The following INKA2 variants were observed in gnomAD, a reference collection of about 807,000 sequenced individuals.
INKA2 encodes the protein inka box actin regulator 2.
Under a neutral mutation model 9.8 loss-of-function variants are expected in INKA2, and 3 were observed. That is an observed-to-expected ratio of 0.31 (90% CI 0.14 to 0.79). The LOEUF is 0.79. INKA2 is among the 30% of genes least tolerant of loss of function. The pLI, the probability that INKA2 is intolerant of heterozygous loss-of-function variation, is 0.62. For missense variants in INKA2, 392 were observed against 384.4 expected, an observed-to-expected ratio of 1.02 and a Z score of -0.17; for synonymous variants, 147 against 143.3, an observed-to-expected ratio of 1.03 and a Z score of -0.18.
At chr1:111,750,318 T>G (rs766269712) in intron 1 of INKA2, among the ~76,000 whole-genome samples, 1 of 152,198 alleles carries the variant, frequency 6.6e-6, no homozygotes, top group Non-Finnish European at 1.5e-5. Context: ...AGTCACCCCA[T>G]AAGCCATGAG....
At position 111,724,877 on chromosome 1, in the gene INKA2, A is replaced by G. The variant is rs1001078291; in HGVS notation, c.*2091T>C. 1 of 152,172 alleles carries G rather than the reference A, an allele frequency of 6.6e-6. No homozygotes were observed. The highest frequency in any genetic ancestry group is 2.4e-5 in the African/African-American group (1 of 41,408). The allele number at this position is 152,172 out of a possible 1,614,324, so 9.4% of individuals were successfully genotyped here. Reference sequence around the variant, plus strand: ...TAGCAGCCTAATCGGGGCAGTTTACACGCCCCCTAATAACCTCCATAGATG... The same window carrying G: ...TAGCAGCCTAATCGGGGCAGTTTACGCGCCCCCTAATAACCTCCATAGATG... On this transcript the variant is annotated 3_prime_UTR_variant, in exon 2 of 2. Coordinates refer to ENST00000357260, the MANE Select transcript of INKA2 (RefSeq NM_019099.5).
At chr1:111,733,786 G>A (rs948548171) in intron 1 of INKA2, among the ~76,000 whole-genome samples, 2 of 152,100 alleles carry the variant, frequency 1.3e-5, no homozygotes, top group Non-Finnish European at 2.9e-5. Context: ...CAGCATCCTC[G>A]GCTCCCTTCC....
At chr1:111,755,606 G>A (rs1663523229) in intron 1 of INKA2, 5 of 1,462,216 alleles carry the variant, frequency 3.4e-6, no homozygotes, top group Middle Eastern at 2.3e-4. Context: ...CGGGGGCACG[G>A]CTGGGCGGCT....
At chr1:111,746,363 T>C (rs376297472) in intron 1 of INKA2, 2 of 152,242 alleles carry the variant, frequency 1.3e-5, no homozygotes, top group Non-Finnish European at 2.9e-5. Context: ...GAATAGGAAC[T>C]GAACACGCGA....
chr1:111,749,036 G>A (rs1369956440), intron 1 of INKA2, among the ~76,000 whole-genome samples: 1 of 152,212 alleles, frequency 6.6e-6, no homozygotes, highest in Non-Finnish European at 1.5e-5. Context: ...AGGGTGGAGG[G>A]AATAGAAAAT....
At chr1:111,753,463 G>T (rs1263444153) in intron 1 of INKA2, among the ~76,000 whole-genome samples, 1 of 151,430 alleles carries the variant, frequency 6.6e-6, no homozygotes, top group African/African-American at 2.5e-5. Flanking sequence ...AAAAAAATTT[G>T]TGTTATTCAC....
intron 1 of INKA2, among the ~76,000 whole-genome samples, chr1:111,749,324 T>G (rs1416042335): frequency 6.6e-6 from 1 of 152,104 alleles, no homozygotes; most frequent in African/African-American, 2.4e-5. Context: ...GGCTCTGTTC[T>G]TGGTGTGGAA....
At chr1:111,736,808 C>A (rs141395966) in intron 1 of INKA2, among the ~76,000 whole-genome samples, 481 of 152,346 alleles carry the variant, frequency 3.2e-3, no homozygotes, top group African/African-American at 0.01. Context: ...TCTATCCCAG[C>A]CACAAGCAAG....
Position 111,724,738 on chromosome 1 carries a change from C to T in INKA2, c.*2230G>A, listed in dbSNP as rs995353061. On this transcript the variant is annotated 3_prime_UTR_variant, in exon 2 of 2. Coordinates refer to ENST00000357260, the MANE Select transcript of INKA2 (RefSeq NM_019099.5). ...AAGGATTTGCAGTGGCTGGCTCCAC[C>T]AGAGTGGGCTTGCTCAGTTGGCAAA... 4.6e-5 allele frequency: 7 copies of T among 152,392 alleles called. No individual in the cohort carries two copies. Among genetic ancestry groups the T allele is most frequent in the African/African-American group, 1.7e-4 (7 of 41,550 alleles). The allele number at this position is 152,392 out of a possible 1,614,324, so 9.4% of individuals were successfully genotyped here. A position where few individuals can be genotyped will look rare whatever the true frequency, so the allele number is the denominator to read the frequency against.
At chr1:111,738,560 G>T (rs903439545) in intron 1 of INKA2, among the ~76,000 whole-genome samples, 1 of 152,006 alleles carries the variant, frequency 6.6e-6, no homozygotes, top group South Asian at 2.1e-4. Context: ...GCCCTCCCCC[G>T]CCTTTCCAGC....
intron 1 of INKA2, among the ~76,000 whole-genome samples, chr1:111,738,135 G>C (rs939625912): frequency 6.6e-6 from 1 of 152,162 alleles, no homozygotes; most frequent in Non-Finnish European, 1.5e-5. Context: ...GAGAAGAGTC[G>C]ACTCCAAGAG....
upstream of INKA2, among the ~76,000 whole-genome samples, chr1:111,743,574 C>A (rs1456584249): frequency 6.6e-6 from 1 of 152,190 alleles, no homozygotes; most frequent in African/African-American, 2.4e-5. Flanking sequence ...AATGGAAACA[C>A]CACCATTCTC....
intron 1 of INKA2, among the ~76,000 whole-genome samples, chr1:111,729,941 G>A (rs197436): frequency 0.15 from 22,212 of 152,306 alleles, 1,977 homozygotes; most frequent in African/African-American, 0.25. Context: ...TTGCTGGGGC[G>A]TGGAGATTGC....
rs749204498 is a variant in INKA2, at chr1:111,726,634, G to C, written c.*334C>G. Reference sequence around the variant, plus strand: ...AGTGGAGATGTCAGAGGGATTTTCTGATCTCCTCCTCTGCCCTCACCTACT... The same window carrying C: ...AGTGGAGATGTCAGAGGGATTTTCTCATCTCCTCCTCTGCCCTCACCTACT... On this transcript the variant is annotated 3_prime_UTR_variant, in exon 2 of 2. Coordinates refer to ENST00000357260, the MANE Select transcript of INKA2 (RefSeq NM_019099.5). 16 of 296,788 alleles carry C rather than the reference G, an allele frequency of 5.4e-5. No individual in the cohort carries two copies. The highest frequency in any genetic ancestry group is 8.8e-5 in the Non-Finnish European group (14 of 158,522). 18.4% of individuals were successfully genotyped at this position (296,788 alleles called of 1,614,324 possible). A position where few individuals can be genotyped will look rare whatever the true frequency, so the allele number is the denominator to read the frequency against.
chr1:111,731,869 A>C (rs982058992), intron 1 of INKA2, among the ~76,000 whole-genome samples: 11 of 152,230 alleles, frequency 7.2e-5, no homozygotes, highest in Non-Finnish European at 1.2e-4. Flanking sequence ...TATCTGGTCT[A>C]ATCAAGGAGA....
intron 1 of INKA2, among the ~76,000 whole-genome samples, chr1:111,729,513 C>T (rs1175769420): frequency 6.6e-6 from 1 of 152,162 alleles, no homozygotes. Context: ...GAGGCTGCAG[C>T]GGGGCGGGGT....
intron 1 of INKA2, chr1:111,747,425 C>CT (rs1412447042): frequency 6.6e-6 from 1 of 151,448 alleles, no homozygotes; most frequent in African/African-American, 2.4e-5. Flanking sequence ...CACACGCCCC[C>CT]TGGTGGTATT....
intron 1 of INKA2, among the ~76,000 whole-genome samples, chr1:111,729,833 G>A (rs1017875408): frequency 6.6e-6 from 1 of 152,062 alleles, no homozygotes; most frequent in South Asian, 2.1e-4. Context: ...CCCTGGCCCT[G>A]GGGGGGATGG....
rs140925986 is a variant in INKA2 at position 111,726,711 on chromosome 1, G to GCACACA, written c.*251_*256dup. On this transcript the variant is annotated 3_prime_UTR_variant, in exon 2 of 2. Coordinates refer to ENST00000357260, the MANE Select transcript of INKA2 (RefSeq NM_019099.5). Reference sequence around the variant, plus strand: ...ATGCATGCCAGACAGACACACACATGCACACACACACACACACACGCACAG... The same window carrying GCACACA: ...ATGCATGCCAGACAGACACACACATGCACACACACACACACACACACACACGCACAG... 8 of 470,796 alleles carry GCACACA rather than the reference G, an allele frequency of 1.7e-5. No individual in the cohort carries two copies. Among genetic ancestry groups the GCACACA allele is most frequent in the South Asian group, 5.5e-5 (2 of 36,102 alleles). The allele number at this position is 470,796 out of a possible 1,614,324, so 29.2% of individuals were successfully genotyped here.
Sources: gnomAD v4.1 joint callset for allele counts (sites outside exome capture counted in the v4.1 genomes callset) on GRCh38, gnomAD v4.1.1 for gene constraint, MANE v1.5 for transcripts, NCBI Gene and HGNC (gene_info 2026-07-23, HGNC 2026-07-21) for gene names.